NREP: variants seen among roughly 807,000 people sequenced by gnomAD.
NREP encodes the protein neuronal regeneration-related protein.
NREP carries 5 observed loss-of-function variants against 8.6 expected under a neutral mutation model. The ratio of observed to expected loss-of-function variants is 0.58; its 90% CI spans 0.30 to 1.22. NREP has a LOEUF of 1.22. Ranked by LOEUF, NREP falls within the 50% of genes most tolerant of loss-of-function variation. The pLI is 0.07. For missense variants in NREP, 86 were observed against 82.5 expected, an observed-to-expected ratio of 1.04 and a Z score of -0.17; for synonymous variants, 27 against 28.0, an observed-to-expected ratio of 0.96 and a Z score of 0.11.
chr5:111,908,823 C>T (rs1754838364), intron 2 of NREP, among the ~76,000 whole-genome samples: 1 of 151,912 alleles, frequency 6.6e-6, no homozygotes, highest in Non-Finnish European at 1.5e-5. Flanking sequence ...AATGGTAGTT[C>T]TATTTTAGTT....
intron 2 of NREP, among the ~76,000 whole-genome samples, chr5:111,966,186 T>C (rs1438591318): frequency 1.3e-5 from 2 of 152,230 alleles, no homozygotes; most frequent in Non-Finnish European, 2.9e-5. Flanking sequence ...GGGAAGAACA[T>C]GGAATTAATC....
upstream of NREP, chr5:111,757,875 G>T (rs368569179): frequency 5.0e-5 from 49 of 980,764 alleles, 1 homozygote; most frequent in East Asian, 1.9e-3. Context: ...GGCGGCCAGG[G>T]TGCTGCACAG....
intron 2 of NREP, among the ~76,000 whole-genome samples, chr5:111,849,475 G>A (rs1392127021): frequency 3.3e-5 from 5 of 152,092 alleles, no homozygotes; most frequent in Non-Finnish European, 7.4e-5. Context: ...GCACTGAGGA[G>A]CCAATGAAAG....
chr5:111,813,475 T>TATATTC (rs1752314466), intron 2 of NREP, among the ~76,000 whole-genome samples: 1 of 152,146 alleles, frequency 6.6e-6, no homozygotes, highest in Admixed American at 6.5e-5. Flanking sequence ...CTAACATGCT[T>TATATTC]GTATTCGTTC....
intron 2 of NREP, among the ~76,000 whole-genome samples, chr5:111,815,154 A>G (rs1752356622): frequency 6.6e-6 from 1 of 152,182 alleles, no homozygotes. Flanking sequence ...AGACTTTCAC[A>G]GTCTTAAAGG....
At chr5:111,773,451 T>C (rs1193835722) in intron 2 of NREP, among the ~76,000 whole-genome samples, 2 of 152,202 alleles carry the variant, frequency 1.3e-5, no homozygotes, top group African/African-American at 2.4e-5. Flanking sequence ...GCTAATGTAA[T>C]AGTCAAAATC....
At chr5:111,929,867 C>T (rs1355986980) in intron 2 of NREP, among the ~76,000 whole-genome samples, 2 of 152,156 alleles carry the variant, frequency 1.3e-5, no homozygotes, top group East Asian at 3.9e-4. Context: ...AAATGCAAAG[C>T]ATCTAGCCAA....
chr5:111,817,904 A>G (rs544342853), intron 2 of NREP, among the ~76,000 whole-genome samples: 127 of 152,174 alleles, frequency 8.3e-4, no homozygotes, highest in African/African-American at 3.0e-3. Flanking sequence ...ATGTGTAAGA[A>G]TTGACCCTGA....
intron 2 of NREP, among the ~76,000 whole-genome samples, chr5:111,744,378 G>A (rs530657216): frequency 6.6e-6 from 1 of 151,834 alleles, no homozygotes. Context: ...ATTAAAATTG[G>A]TGTAAATCAC....
chr5:111,910,272 C>A (rs1754876215), intron 2 of NREP, among the ~76,000 whole-genome samples: 1 of 151,960 alleles, frequency 6.6e-6, no homozygotes, highest in Non-Finnish European at 1.5e-5. Flanking sequence ...GACGTGGAAG[C>A]ATTTACAATT....
intron 2 of NREP, among the ~76,000 whole-genome samples, chr5:111,868,260 A>C (rs1753712479): frequency 6.6e-6 from 1 of 152,186 alleles, no homozygotes; most frequent in Non-Finnish European, 1.5e-5. Context: ...AGTTATAGCT[A>C]GCATGCTCTC....
intron 2 of NREP, among the ~76,000 whole-genome samples, chr5:111,887,278 C>G (rs950906457): frequency 2.0e-5 from 3 of 152,160 alleles, no homozygotes; most frequent in Non-Finnish European, 4.4e-5. Flanking sequence ...TCTATAGCAA[C>G]TTTCTAATGT....
chr5:111,776,737 A>C (rs1230184634), intron 2 of NREP, among the ~76,000 whole-genome samples: 1 of 152,206 alleles, frequency 6.6e-6, no homozygotes, highest in Non-Finnish European at 1.5e-5. Flanking sequence ...ATTTATGTGA[A>C]GCTCCAAAAC....
intron 2 of NREP, among the ~76,000 whole-genome samples, chr5:111,870,983 G>A (rs1251085896): frequency 1.3e-5 from 2 of 151,676 alleles, no homozygotes; most frequent in Non-Finnish European, 2.9e-5. Flanking sequence ...TTCTGGAAAG[G>A]TCTATAGCCT....
intron 2 of NREP, among the ~76,000 whole-genome samples, chr5:111,840,404 T>G (rs769634200): frequency 7.2e-5 from 11 of 152,100 alleles, no homozygotes; most frequent in Non-Finnish European, 1.2e-4. Context: ...ACCATAGCCA[T>G]TATGCGACCA....
rs563748253 is a variant in NREP at position 111,854,533 on chromosome 5, CAT to C, written c.136-119028_136-119027del. On this transcript the variant is annotated intron_variant, in intron 2 of 3. Coordinates refer to the NREP transcript ENST00000395634. The stretch of plus-strand genomic sequence containing the variant: ...AGCTTCACTGTTTACATTGGTGAAA[CAT>C]GTGGGTTAGACTAGAAAATCTCTAG... 3.1e-4 allele frequency among the ~76,000 whole-genome samples: 47 copies of C among 152,288 alleles called. 1 individual carries two copies. The South Asian group carries it at 5.0e-3, about 16-fold the overall frequency.
chr5:111,817,768 G>A lies in NREP; in HGVS notation c.136-82261C>T, dbSNP rs1391509518. 1.4e-4 allele frequency among the ~76,000 whole-genome samples: 18 copies of A among 132,722 alleles called. No individual in the cohort carries two copies. The Admixed American group carries it at 1.5e-3, about 11-fold the overall frequency. 87.1% of individuals were successfully genotyped at this position (132,722 alleles called of 152,430 possible). The stretch of plus-strand genomic sequence containing the variant: ...TACAGTGAGCTGAGATCGTGCCACT[G>A]CACTCCAGCCTGGGCAACAGAGCAA... On this transcript the variant is annotated intron_variant, in intron 2 of 3. Transcript: ENST00000395634.
At chr5:111,878,174 T>A (rs912240768) in intron 2 of NREP, among the ~76,000 whole-genome samples, 3 of 152,252 alleles carry the variant, frequency 2.0e-5, no homozygotes, top group African/African-American at 7.2e-5. Flanking sequence ...ATGTTATTTA[T>A]CATTTTCTGT....
At chr5:111,772,958 A>C (rs1404375161) in intron 2 of NREP, among the ~76,000 whole-genome samples, 2 of 152,132 alleles carry the variant, frequency 1.3e-5, no homozygotes, top group Admixed American at 1.3e-4. Context: ...CAAATGTTCC[A>C]TTTTAGGTTC....
Sources: gnomAD v4.1 joint callset for allele counts (sites outside exome capture counted in the v4.1 genomes callset) on GRCh38, gnomAD v4.1.1 for gene constraint, MANE v1.5 for transcripts, NCBI Gene and HGNC (gene_info 2026-07-23, HGNC 2026-07-21) for gene names.